The following ALK variants were observed in gnomAD, a reference collection of about 807,000 sequenced individuals.
ALK encodes the protein ALK receptor tyrosine kinase, also known as ALK tyrosine kinase receptor.
Under a neutral mutation model 163.1 loss-of-function variants are expected in ALK, and 74 were observed. That is an observed-to-expected ratio of 0.45 (90% confidence interval 0.38 to 0.55). The LOEUF is 0.55. Ranked by LOEUF, ALK falls within the 20% of genes least tolerant of loss-of-function variation. ALK has a pLI of 0.00. For missense variants in ALK, 2,063 were observed against 2,105.3 expected, an observed-to-expected ratio of 0.98 and a Z score of 0.39; for synonymous variants, 960 against 843.2, an observed-to-expected ratio of 1.14 and a Z score of -2.40.
chr2:29,330,177 C>T (rs917931543), intron 5 of ALK, among the ~76,000 whole-genome samples: 1 of 152,204 alleles, frequency 6.6e-6, no homozygotes, highest in African/African-American at 2.4e-5. Context: ...AGCCCTTTCA[C>T]CTGCTCTTCA....
At chr2:29,431,438 T>C (rs1478706705) in intron 4 of ALK, among the ~76,000 whole-genome samples, 1 of 152,166 alleles carries the variant, frequency 6.6e-6, no homozygotes, top group Non-Finnish European at 1.5e-5. Context: ...TAAAATTAAG[T>C]CCCAAATAAA....
chr2:29,390,092 T>C (rs1669127731), intron 4 of ALK, among the ~76,000 whole-genome samples: 1 of 152,226 alleles, frequency 6.6e-6, no homozygotes, highest in Admixed American at 6.5e-5. Flanking sequence ...AAAATGCAGG[T>C]TGGCATGCCT....
intron 4 of ALK, among the ~76,000 whole-genome samples, chr2:29,442,892 ATC>A (rs1299747756): frequency 1.3e-5 from 2 of 152,176 alleles, no homozygotes; most frequent in Admixed American, 6.5e-5. Context: ...CAGGTCGAAG[ATC>A]TCTGATTCTA....
intron 1 of ALK, among the ~76,000 whole-genome samples, chr2:29,837,920 C>T (rs1253031806): frequency 6.6e-6 from 1 of 152,012 alleles, no homozygotes; most frequent in Non-Finnish European, 1.5e-5. Flanking sequence ...ATTTAAATGA[C>T]TTTAAAATAG....
At chr2:29,213,159 T>C (rs1669508919) in intron 24 of ALK, among the ~76,000 whole-genome samples, 1 of 152,236 alleles carries the variant, frequency 6.6e-6, no homozygotes, top group African/African-American at 2.4e-5. Flanking sequence ...AAGGAAGAGC[T>C]TTGCAAAGAG....
chr2:29,329,350 T>C (rs541945530), intron 5 of ALK, among the ~76,000 whole-genome samples: 2 of 152,280 alleles, frequency 1.3e-5, no homozygotes, highest in African/African-American at 4.8e-5. Flanking sequence ...CCTGACCAAA[T>C]GGAGGGCTTT....
chr2:29,784,220 G>C (rs573318995), intron 1 of ALK, among the ~76,000 whole-genome samples: 1 of 152,300 alleles, frequency 6.6e-6, no homozygotes, highest in South Asian at 2.1e-4. Context: ...AGACAAAGTA[G>C]ACAACAAGAC....
intron 3 of ALK, among the ~76,000 whole-genome samples, chr2:29,571,742 G>C (rs2148190814): frequency 6.6e-6 from 1 of 150,474 alleles, no homozygotes; most frequent in South Asian, 2.1e-4. Flanking sequence ...TCAGCCTCCT[G>C]AGTAGCTCAG....
At chr2:29,312,799 C>G (rs1395987212) in intron 8 of ALK, among the ~76,000 whole-genome samples, 1 of 152,198 alleles carries the variant, frequency 6.6e-6, no homozygotes, top group Non-Finnish European at 1.5e-5. Flanking sequence ...CTAGCTGGAT[C>G]TGCTCTTAAT....
At chr2:29,356,367 G>A (rs1187606737) in intron 5 of ALK, among the ~76,000 whole-genome samples, 9 of 152,086 alleles carry the variant, frequency 5.9e-5, no homozygotes, top group African/African-American at 1.9e-4. Flanking sequence ...CACGGCTAGT[G>A]AGGGTGGTAC....
intron 3 of ALK, among the ~76,000 whole-genome samples, chr2:29,534,914 G>A (rs1057028610): frequency 2.0e-5 from 3 of 152,068 alleles, no homozygotes; most frequent in Non-Finnish European, 2.9e-5. Flanking sequence ...TTCTGCAACC[G>A]GACTATCAAT....
chr2:29,465,129 T>C (rs2148106111), intron 4 of ALK, among the ~76,000 whole-genome samples: 1 of 152,316 alleles, frequency 6.6e-6, no homozygotes, highest in South Asian at 2.1e-4. Context: ...AGATCCATCA[T>C]AATCTAAATG....
intron 13 of ALK, among the ~76,000 whole-genome samples, chr2:29,237,271 G>C (rs1664410321): frequency 6.6e-6 from 1 of 152,116 alleles, no homozygotes; most frequent in Admixed American, 6.5e-5. Context: ...CCCTTCCCTT[G>C]TGTCCATAGA....
At chr2:29,743,468 A>G (rs1394630380) in intron 1 of ALK, among the ~76,000 whole-genome samples, 2 of 152,202 alleles carry the variant, frequency 1.3e-5, no homozygotes, top group Non-Finnish European at 2.9e-5. Flanking sequence ...ACTTCAAAAG[A>G]AAAGCTATCC....
intron 13 of ALK, among the ~76,000 whole-genome samples, chr2:29,237,847 A>G (rs1664422399): frequency 6.6e-6 from 1 of 152,172 alleles, no homozygotes; most frequent in African/African-American, 2.4e-5. Flanking sequence ...CCAAGTGAGT[A>G]AAGGATAAGG....
intron 4 of ALK, among the ~76,000 whole-genome samples, chr2:29,483,923 C>A (rs768078667): frequency 3.3e-5 from 5 of 152,184 alleles, no homozygotes; most frequent in Non-Finnish European, 5.9e-5. Context: ...AATGGATTCA[C>A]AGTTCCACAT....
At chr2:29,689,245 T>C (rs1678324137) in intron 3 of ALK, among the ~76,000 whole-genome samples, 3 of 152,206 alleles carry the variant, frequency 2.0e-5, no homozygotes, top group Admixed American at 6.5e-5. Flanking sequence ...TATCATTCCA[T>C]AGCCTATCAA....
chr2:29,670,772 T>C (rs1019267684), intron 3 of ALK, among the ~76,000 whole-genome samples: 8 of 152,082 alleles, frequency 5.3e-5, no homozygotes, highest in African/African-American at 1.9e-4. Flanking sequence ...GCTTGGCCGA[T>C]TTTTCTGTTG....
intron 4 of ALK, among the ~76,000 whole-genome samples, chr2:29,490,588 A>G (rs1671878002): frequency 6.6e-6 from 1 of 152,172 alleles, no homozygotes; most frequent in South Asian, 2.1e-4. Context: ...ATTCCAACAC[A>G]TACTCAACTT....
Sources: allele counts gnomAD v4.1 joint callset (sites outside exome capture counted in the v4.1 genomes callset), GRCh38; gene constraint gnomAD v4.1.1; transcripts MANE v1.5; gene names NCBI Gene and HGNC (gene_info 2026-07-23, HGNC 2026-07-21).